Variants in KDM4A observed in about 807,000 individuals in gnomAD.
KDM4A encodes lysine-specific demethylase 4A.
A neutral mutation model predicts 127.1 loss-of-function variants in KDM4A; 23 were observed. The ratio of observed to expected loss-of-function variants is 0.18; its 90% confidence interval spans 0.13 to 0.26. The LOEUF is 0.26. Ranked by LOEUF, KDM4A falls within the 10% of genes least tolerant of loss-of-function variation. The pLI is 1.00. For synonymous variants in KDM4A, 443 were observed against 466.5 expected, an observed-to-expected ratio of 0.95 and a Z score of 0.65; for missense variants, 890 against 1,329.1, an observed-to-expected ratio of 0.67 and a Z score of 5.14.
intron 19 of KDM4A, among the ~76,000 whole-genome samples, chr1:43,700,612 G>A (rs1661364806): frequency 6.6e-6 from 1 of 151,856 alleles, no homozygotes; most frequent in Non-Finnish European, 1.5e-5. Flanking sequence ...TTGTAGAAAT[G>A]GGGTCTTGCC....
rs1326085830 is a variant in KDM4A, at chr1:43,680,834, T to C, written c.1735-2850T>C. On this transcript the variant is annotated intron_variant, in intron 11 of 21. Coordinates refer to ENST00000372396, the MANE Select transcript of KDM4A (RefSeq NM_014663.3). ...ATGATCCAGGGTACGCTCCCTATTT[T>C]AAACACTATCTGATTAGCAATCTTA... Among the ~76,000 whole-genome samples, 3 of 152,352 alleles carry C rather than the reference T, an allele frequency of 2.0e-5. No homozygotes were observed. The East Asian group carries it at 5.8e-4, about 29-fold the overall frequency.
At chr1:43,667,260 A>T (rs1557907578) in intron 8 of KDM4A, among the ~76,000 whole-genome samples, 169 bp downstream of exon 8, 1 of 152,224 alleles carries the variant, frequency 6.6e-6, no homozygotes, top group Admixed American at 6.5e-5. Context: ...AATTTTTAAA[A>T]ATGTGTTCAG....
chr1:43,654,946 G>C (rs1415331948), intron 2 of KDM4A, among the ~76,000 whole-genome samples: 3 of 151,966 alleles, frequency 2.0e-5, no homozygotes. Context: ...CTGCCTCCGG[G>C]TTCAAGCGAT....
chr1:43,692,160 T>C lies in KDM4A; in HGVS notation c.2320-96T>C, dbSNP rs539528093. ...CACATGCTATTATGCTTCTTTCTTA[T>C]GTGGAGGAGTTGCCCAAAGCAGGTC... On this transcript the variant is annotated intron_variant, in intron 15 of 21. Transcript: ENST00000372396. The C allele has an allele frequency of 1.7e-5, 18 of 1,048,712 alleles. No individual in the cohort carries two copies. In the African/African-American group the frequency reaches 2.5e-4, roughly 15 times the overall value. The allele number at this position is 1,048,712 out of a possible 1,614,324, so 65.0% of individuals were successfully genotyped here. A position where few individuals can be genotyped will look rare whatever the true frequency, so the allele number is the denominator to read the frequency against.
Position 43,679,493 on chromosome 1 carries a change from T to A in KDM4A, c.1735-4191T>A, listed in dbSNP as rs921412979. On this transcript the variant is annotated intron_variant, in intron 11 of 21. Coordinates refer to ENST00000372396, the MANE Select transcript of KDM4A (RefSeq NM_014663.3). Reference sequence around the variant, plus strand: ...GATCTATATTTGTAGACAACTGGGTTCCTTAGAGCACCCTTATGTTCCCCC... The same window carrying A: ...GATCTATATTTGTAGACAACTGGGTACCTTAGAGCACCCTTATGTTCCCCC... Among the ~76,000 whole-genome samples the A allele has an allele frequency of 3.3e-5, 5 of 152,158 alleles. No homozygotes were observed. The South Asian group carries it at 1.0e-3, about 32-fold the overall frequency.
chr1:43,690,916 G>C lies in KDM4A; in HGVS notation c.2109G>C (p.Lys703Asn), dbSNP rs1353643767. ...SDLAPQKQRT[K>N]PLIPEMCFTS... Reference sequence around the variant, plus strand: ...TAGCCCCCCAGAAGCAGAGGACCAAGCCATTGATTCCAGAAATGTGCTTCA... The same window carrying C: ...TAGCCCCCCAGAAGCAGAGGACCAACCCATTGATTCCAGAAATGTGCTTCA... The change falls in exon 14 of 22, where the codon AAG becomes AAC. Residue 703 changes from lysine (K) to asparagine (N), a missense_variant. Physicochemically the swap from Lys to Asn is moderately conservative, Grantham distance 94 (BLOSUM62 0). Coordinates refer to ENST00000372396, the MANE Select transcript of KDM4A (RefSeq NM_014663.3). 6.2e-7 allele frequency: 1 copy of C among 1,614,220 alleles called. No homozygotes were observed. The highest frequency in any genetic ancestry group is 8.5e-7 in the Non-Finnish European group (1 of 1,180,032).
intron 13 of KDM4A, among the ~76,000 whole-genome samples, chr1:43,689,739 C>T (rs993233309): frequency 7.2e-5 from 11 of 152,072 alleles, no homozygotes; most frequent in African/African-American, 2.7e-4. Context: ...CAGCTGGGAC[C>T]TGCACAGCAT....
At position 43,681,297 on chromosome 1, in the gene KDM4A, T is replaced by A. The variant is rs545030047; in HGVS notation, c.1735-2387T>A. On this transcript the variant is annotated intron_variant, in intron 11 of 21. Transcript: ENST00000372396. ...TTCCTCTTACCTGTCTGCTTCTGAG[T>A]CTCCTTTTCTCCCTTCTCTTCTTCC... Among the ~76,000 whole-genome samples, 11 of 152,126 alleles carry A rather than the reference T, an allele frequency of 7.2e-5. No individual in the cohort carries two copies. In the South Asian group the frequency reaches 2.3e-3, roughly 32 times the overall value.
At chr1:43,692,156 C>T (rs1216964420) in intron 15 of KDM4A, 100 bp from the exon 16 acceptor site, 6 of 1,035,344 alleles carry the variant, frequency 5.8e-6, no homozygotes, top group African/African-American at 4.7e-5. Flanking sequence ...ATGCTTCTTT[C>T]TTATGTGGAG....
At chr1:43,650,545 G>T (rs561875575) in intron 1 of KDM4A, 331 of 152,426 alleles carry the variant, frequency 2.2e-3, no homozygotes, top group South Asian at 4.1e-3. Flanking sequence ...CCGAACCTGT[G>T]CGCGGTGAGG....
intron 11 of KDM4A, among the ~76,000 whole-genome samples, chr1:43,673,120 G>T (rs1438006065): frequency 6.6e-6 from 1 of 151,854 alleles, no homozygotes; most frequent in East Asian, 1.9e-4. Context: ...GCTCTTGGTG[G>T]GTCTGCCACT....
chr1:43,658,532 C>G (rs555848320), intron 3 of KDM4A, among the ~76,000 whole-genome samples: 1 of 125,750 alleles, frequency 8.0e-6, no homozygotes, highest in East Asian at 2.4e-4. Context: ...GAGATGGAGT[C>G]TTACTCTGTG....
At chr1:43,675,662 T>C (rs1303850167) in intron 11 of KDM4A, among the ~76,000 whole-genome samples, 1 of 152,150 alleles carries the variant, frequency 6.6e-6, no homozygotes, top group African/African-American at 2.4e-5. Context: ...GGGTCTGCCT[T>C]GTTGCTCTGT....
intron 3 of KDM4A, among the ~76,000 whole-genome samples, chr1:43,658,110 GC>G (rs1660290216): frequency 8.3e-6 from 1 of 119,770 alleles, no homozygotes; most frequent in Non-Finnish European, 1.7e-5. Flanking sequence ...TCGCTGTGTT[GC>G]CCAGGCTGGA....
At chr1:43,684,551 A>G (rs1042049218) in intron 12 of KDM4A, among the ~76,000 whole-genome samples, 2 of 152,094 alleles carry the variant, frequency 1.3e-5, no homozygotes, top group Non-Finnish European at 2.9e-5. Flanking sequence ...ACAGCATGCT[A>G]TGGAGAAGAG....
intron 13 of KDM4A, 21 bp downstream of exon 13, chr1:43,689,116 C>CT: frequency 6.2e-7 from 1 of 1,610,038 alleles, no homozygotes; most frequent in Non-Finnish European, 8.5e-7. Flanking sequence ...TCCATGCACT[C>CT]TGTTTACCCA....
intron 1 of KDM4A, among the ~76,000 whole-genome samples, chr1:43,651,845 A>G (rs1290061642): frequency 6.6e-6 from 1 of 152,170 alleles, no homozygotes; most frequent in African/African-American, 2.4e-5. Context: ...GCTTTCTCCA[A>G]TCAGTTATGA....
chr1:43,669,766 A>G (rs530501869), intron 10 of KDM4A, among the ~76,000 whole-genome samples: 81 of 151,564 alleles, frequency 5.3e-4, no homozygotes, highest in Middle Eastern at 6.8e-3. Flanking sequence ...CTCCTGCCTC[A>G]GCCTTCCAAC....
chr1:43,701,845 C>T (rs1239323658), intron 19 of KDM4A, among the ~76,000 whole-genome samples: 4 of 152,314 alleles, frequency 2.6e-5, no homozygotes, highest in Non-Finnish European at 2.9e-5. Context: ...GTGTAATTCA[C>T]AACTCAAACA....
Sources: gnomAD v4.1 joint callset for allele counts (sites outside exome capture counted in the v4.1 genomes callset) on GRCh38, gnomAD v4.1.1 for gene constraint, MANE v1.5 for transcripts, NCBI Gene and HGNC (gene_info 2026-07-23, HGNC 2026-07-21) for gene names.